Variants in ANKRD30B observed in about 807,000 individuals in gnomAD.
The protein encoded by ANKRD30B is ankyrin repeat domain 30B.
In ANKRD30B, 144 loss-of-function variants were observed where a neutral mutation model predicts 202.2. The observed-to-expected ratio is 0.71, with a 90% CI of 0.62 to 0.82. The LOEUF (loss-of-function observed/expected upper bound fraction) is 0.82, where lower values mean the gene tolerates loss of function less well. Ranked by LOEUF, ANKRD30B falls within the 40% of genes least tolerant of loss-of-function variation. The pLI, the probability that ANKRD30B is intolerant of heterozygous loss-of-function variation, is 0.00. For missense variants in ANKRD30B, 1,487 were observed against 1,669.1 expected, an observed-to-expected ratio of 0.89 and a Z score of 1.90; for synonymous variants, 508 against 561.3, an observed-to-expected ratio of 0.91 and a Z score of 1.34.
intron 32 of ANKRD30B, among the ~76,000 whole-genome samples, 187 bp downstream of exon 32, chr18:14,822,864 TA>T (rs1033502639): frequency 3.4e-5 from 5 of 148,388 alleles, no homozygotes; most frequent in African/African-American, 1.2e-4. Context: ...TTTAGAGATT[TA>T]AAAAAAATTC....
At chr18:14,784,875 C>T (rs973084991) in intron 14 of ANKRD30B, among the ~76,000 whole-genome samples, 1 of 152,094 alleles carries the variant, frequency 6.6e-6, no homozygotes, top group Admixed American at 6.6e-5. Context: ...ATTCAGATTC[C>T]ACGGTTTACT....
At chr18:14,902,833 A>G in the ANKRD30B span, among the ~76,000 whole-genome samples, 1 of 152,206 alleles carries the variant, frequency 6.6e-6, no homozygotes, top group African/African-American at 2.4e-5. Flanking sequence ...TTTTCTTAAA[A>G]TAAGTAATGG....
chr18:14,825,477 A>G (rs1340690005), intron 32 of ANKRD30B, among the ~76,000 whole-genome samples: 1 of 152,032 alleles, frequency 6.6e-6, no homozygotes, highest in African/African-American at 2.4e-5. Context: ...TCGGATGATC[A>G]AACTTTTGTC....
chr18:14,754,347 T>A (rs898435366), intron 3 of ANKRD30B, among the ~76,000 whole-genome samples: 1 of 152,172 alleles, frequency 6.6e-6, no homozygotes, highest in African/African-American at 2.4e-5. Flanking sequence ...GCCACAAAAA[T>A]ATATTGTCAA....
At chr18:14,846,953 A>AT (rs1971662866) in intron 39 of ANKRD30B, among the ~76,000 whole-genome samples, 1 of 150,868 alleles carries the variant, frequency 6.6e-6, no homozygotes, top group Non-Finnish European at 1.5e-5. Flanking sequence ...GTCTGTCACC[A>AT]TGCTGTTTGA....
rs540489137 is a variant in ANKRD30B at position 14,780,040 on chromosome 18, G to A, written c.1482+19G>A. 9.0e-5 allele frequency: 142 copies of A among 1,573,164 alleles called. No individual in the cohort carries two copies. In the East Asian group the frequency reaches 1.4e-3, roughly 16 times the overall value. On this transcript the variant is annotated intron_variant, in intron 11 of 43. Coordinates refer to ENST00000690538, the MANE Select transcript of ANKRD30B (RefSeq NM_001367607.2). ...TTCTGGGGTATTGTGTATTATTGCTGTTATTATTCTCTAAAAATATTAATA... is the reference window on the plus strand; with the variant it reads ...TTCTGGGGTATTGTGTATTATTGCTATTATTATTCTCTAAAAATATTAATA...
At chr18:14,894,022 A>C in the ANKRD30B span, among the ~76,000 whole-genome samples, 20 of 152,098 alleles carry the variant, frequency 1.3e-4, no homozygotes, top group Admixed American at 9.8e-4. Context: ...GCAATATGTC[A>C]AGCACATTGA....
intron 7 of ANKRD30B, among the ~76,000 whole-genome samples, chr18:14,766,493 A>AAAAAAAAAAGAAAAGAAAAGAAAAG (rs1567989711): frequency 1.2e-5 from 1 of 84,992 alleles, no homozygotes; most frequent in Non-Finnish European, 2.7e-5. Context: ...AAAAAAAAAA[A>AAAAAAAAAAGAAAAGAAAAGAAAAG]AAAAGAAAAG....
At chr18:14,785,353 C>G (rs1348123595) in intron 14 of ANKRD30B, among the ~76,000 whole-genome samples, 1 of 152,024 alleles carries the variant, frequency 6.6e-6, no homozygotes, top group Non-Finnish European at 1.5e-5. Context: ...TGGATTCATC[C>G]ATAAAGGACA....
intron 8 of ANKRD30B, 37 bp downstream of exon 8, chr18:14,769,410 C>T (rs1442366455): frequency 2.0e-6 from 3 of 1,511,796 alleles, no homozygotes; most frequent in African/African-American, 1.4e-5. Context: ...AATAGGTTAA[C>T]TCAGAAAACA....
At chr18:14,919,199 T>C in the ANKRD30B span, among the ~76,000 whole-genome samples, 77 of 152,366 alleles carry the variant, frequency 5.1e-4, no homozygotes, top group African/African-American at 1.8e-3. Flanking sequence ...GCTAGTGTTC[T>C]TCAAAGCACC....
At chr18:14,927,777 A>G in the ANKRD30B span, among the ~76,000 whole-genome samples, 1 of 152,224 alleles carries the variant, frequency 6.6e-6, no homozygotes, top group African/African-American at 2.4e-5. Context: ...CTTAGTAGCT[A>G]TCTCAAATAT....
chr18:14,919,397 C>T, the ANKRD30B span, among the ~76,000 whole-genome samples: 1 of 152,212 alleles, frequency 6.6e-6, no homozygotes, highest in Non-Finnish European at 1.5e-5. Context: ...CCTTGGGGCC[C>T]TGCAGCTCTC....
At chr18:14,767,590 G>T (rs1292758550) in intron 7 of ANKRD30B, among the ~76,000 whole-genome samples, 1 of 152,094 alleles carries the variant, frequency 6.6e-6, no homozygotes, top group Non-Finnish European at 1.5e-5. Flanking sequence ...GTGGTGTTAG[G>T]CTACTAATTA....
At chr18:14,887,697 A>G in the ANKRD30B span, among the ~76,000 whole-genome samples, 1 of 152,036 alleles carries the variant, frequency 6.6e-6, no homozygotes, top group African/African-American at 2.4e-5. Flanking sequence ...CTTTAAAATT[A>G]AAAGCATATG....
chr18:14,821,286 CAATT>C (rs1311533350), intron 30 of ANKRD30B, among the ~76,000 whole-genome samples: 1 of 151,862 alleles, frequency 6.6e-6, no homozygotes, highest in East Asian at 1.9e-4. Context: ...AGCGGTCTAT[CAATT>C]TTGTTGATCC....
At chr18:14,763,589 A>G (rs1355252310) in intron 6 of ANKRD30B, 97 bp from the exon 7 acceptor site, 25 of 1,497,206 alleles carry the variant, frequency 1.7e-5, no homozygotes, top group East Asian at 9.6e-5. Flanking sequence ...GGTAATATTT[A>G]AGGAAAGCAT....
Position 14,778,024 on chromosome 18 carries a change from C to A in ANKRD30B, c.1369C>A (p.Pro457Thr). The change falls in exon 10 of 44, where the codon CCT becomes ACT. Residue 457 changes from proline (P) to threonine (T), a missense_variant. Transcript: ENST00000690538. ...TGCTGCACAGAATTATACGTGTTTA[C>A]CTGATGCTACATATCAAAAAGATAT... ...KSAAQNYTCL[P>T]DATYQKDIKT... 1.3e-6 allele frequency: 2 copies of A among 1,548,892 alleles called. No homozygotes were observed. Among genetic ancestry groups the A allele is most frequent in the Non-Finnish European group, 1.7e-6 (2 of 1,144,774 alleles).
chr18:14,914,108 G>A, the ANKRD30B span, among the ~76,000 whole-genome samples: 1 of 152,184 alleles, frequency 6.6e-6, no homozygotes, highest in African/African-American at 2.4e-5. Flanking sequence ...CTTCAAGGAT[G>A]TTAAGAATGT....
Sources: gnomAD v4.1 joint callset for allele counts (sites outside exome capture counted in the v4.1 genomes callset) on GRCh38, gnomAD v4.1.1 for gene constraint, MANE v1.5 for transcripts, NCBI Gene and HGNC (gene_info 2026-07-23, HGNC 2026-07-21) for gene names.